PHRF1: variants seen among roughly 807,000 people sequenced by gnomAD.
PHRF1 encodes the protein PHD and ring finger domains 1.
PHRF1 carries 53 observed loss-of-function variants against 128.9 expected under a neutral mutation model. The observed-to-expected ratio is 0.41, with a 90% confidence interval of 0.33 to 0.52. The LOEUF (loss-of-function observed/expected upper bound fraction) is 0.52. PHRF1 is among the 20% of genes least tolerant of loss of function. The probability of loss-of-function intolerance (pLI) is 0.21; values close to 1 mark genes in which losing one functional copy is unlikely to be tolerated. For synonymous variants in PHRF1, 1,178 were observed against 980.6 expected (o/e 1.20, Z -3.76); for missense variants, 2,503 against 2,284.5 (o/e 1.10, Z -1.95).
chr11:593,115 C>T (rs1426787541), intron 6 of PHRF1, among the ~76,000 whole-genome samples: 2 of 152,198 alleles, frequency 1.3e-5, no homozygotes. Context: ...CTCTCCCTGG[C>T]ACAGCTGAGA....
chr11:607,494 C>G lies in PHRF1; in HGVS notation c.2038C>G (p.Pro680Ala). 1 of 1,612,854 alleles carries G rather than the reference C, an allele frequency of 6.2e-7. No individual in the cohort carries two copies. Among genetic ancestry groups the G allele is most frequent in the East Asian group, 2.2e-5 (1 of 44,886 alleles). Residue 680 changes from proline (P) to alanine (A), a missense_variant, in exon 14 of 18, where the codon CCC becomes GCC. By Grantham distance (27) the Pro-to-Ala change is conservative. Transcript: ENST00000264555. Reference sequence around the variant, plus strand: ...CAGAAGAACAGACATCTCTGAGCTACCCAGGATACCAAAGATCAGGAGAGA... The same window carrying G: ...CAGAAGAACAGACATCTCTGAGCTAGCCAGGATACCAAAGATCAGGAGAGA... The part of the protein sequence containing the change: ...APRRTDISEL[P>A]RIPKIRRDDG...
chr11:611,860 G>C lies in PHRF1; in HGVS notation c.*83G>C. On this transcript the variant is annotated 3_prime_UTR_variant, in exon 18 of 18. Coordinates refer to ENST00000264555, the MANE Select transcript of PHRF1 (RefSeq NM_001286581.2). ...CATGCCCGGGGAGCTGTCGGGAGTG[G>C]CGGGAATCGGGGCCATGCCCGGGGA... The C allele has an allele frequency of 3.3e-6, 5 of 1,503,300 alleles. No homozygotes were observed. The highest frequency in any genetic ancestry group is 4.4e-6 in the Non-Finnish European group (5 of 1,128,856). The allele number at this position is 1,503,300 out of a possible 1,614,324, so 93.1% of individuals were successfully genotyped here.
intron 3 of PHRF1, 50 bp from the exon 4 acceptor site, chr11:587,209 G>C (rs371801330): frequency 4.0e-4 from 627 of 1,580,958 alleles, no homozygotes; most frequent in Non-Finnish European, 5.1e-4. Context: ...CCAGTGCCGC[G>C]GTTCACGCTG....
Position 609,068 on chromosome 11 carries a change from G to A in PHRF1, c.3612G>A (p.Ala1204=), listed in dbSNP as rs7928902. ...GGGCTGTGAGGGAGGCTTCCCCAGCGCCCCTTGCACAGGGGGAGCCAGGGC... is the reference window on the plus strand; with the variant it reads ...GGGCTGTGAGGGAGGCTTCCCCAGCACCCCTTGCACAGGGGGAGCCAGGGC... ...RKGAVREASP[A]PLAQGEPGRE... is the part of the protein sequence containing the mutation. The change falls in exon 14 of 18, where the codon GCG becomes GCA. Residue 1204 remains alanine, a synonymous_variant. Transcript: ENST00000264555. The A allele has an allele frequency of 0.22, 348,871 of 1,596,948 alleles. 40,400 individuals carry two copies. The highest frequency in any genetic ancestry group is 0.32 in the African/African-American group (24,152 of 74,670).
rs777453849 is a variant in PHRF1 at position 611,792 on chromosome 11, G to A, written c.*15G>A. On this transcript the variant is annotated 3_prime_UTR_variant, in exon 18 of 18. Coordinates refer to ENST00000264555, the MANE Select transcript of PHRF1 (RefSeq NM_001286581.2). ...CCGAGGGCTGAGGCCAGGCAATCAC[G>A]GGCTATGCCCGGGGAGCTGTCGGGA... is the stretch of plus-strand genomic sequence containing the variant. The A allele has an allele frequency of 3.8e-5, 61 of 1,588,492 alleles. No individual in the cohort carries two copies. Among genetic ancestry groups the A allele is most frequent in the African/African-American group, 1.7e-4 (13 of 74,448 alleles).
chr11:597,668 G>T lies in PHRF1; in HGVS notation c.894+98G>T, dbSNP rs1855377273. 4 of 1,424,330 alleles carry T rather than the reference G, an allele frequency of 2.8e-6. No individual in the cohort carries two copies. In the Admixed American group the frequency reaches 6.3e-5, roughly 22 times the overall value. 88.2% of individuals were successfully genotyped at this position (1,424,330 alleles called of 1,614,324 possible). ...GGGAGGGGCGTCGTCGGCACTGTGG[G>T]GTCCGCCCGGCCCCGGTGGCTCATG... is the stretch of plus-strand genomic sequence containing the variant. On this transcript the variant is annotated intron_variant, in intron 8 of 17. Transcript: ENST00000264555. This position sits in a 1 kb window ranked among gnomAD's most constrained non-coding sequence, Gnocchi z 6.5.
rs1464921914 is a variant in PHRF1 at position 609,615 on chromosome 11, G to T, written c.4159G>T (p.Val1387Leu). The change falls in exon 14 of 18, where the codon GTG (valine) becomes TTG (leucine). Residue 1387 changes from valine to leucine, a missense_variant. By Grantham distance (32) the Val-to-Leu change is conservative. Coordinates refer to ENST00000264555, the MANE Select transcript of PHRF1 (RefSeq NM_001286581.2). ...ACAGGAGGCAGCCCGGCCTGAGGAG[G>T]TGGTTTCGCAGACCCCCCTGCTGCG... Reference protein sequence around the residue: ...RVQEAARPEEVVSQTPLLRSR... With the variant: ...RVQEAARPEELVSQTPLLRSR... The T allele has an allele frequency of 6.3e-7, 1 of 1,587,576 alleles. No homozygotes were observed. Among genetic ancestry groups the T allele is most frequent in the South Asian group, 1.1e-5 (1 of 87,354 alleles).
intron 14 of PHRF1, 102 bp downstream of exon 14, chr11:609,822 A>C: frequency 1.7e-5 from 11 of 663,360 alleles, no homozygotes; most frequent in Non-Finnish European, 2.2e-5. Context: ...CCCGGCCTCC[A>C]CCGAGGACAG....
chr11:592,630 C>T lies in PHRF1; in HGVS notation c.576C>T (p.Ser192=), dbSNP rs769735828. 1.8e-5 allele frequency: 29 copies of T among 1,613,930 alleles called. No homozygotes were observed. Among genetic ancestry groups the T allele is most frequent in the Admixed American group, 8.3e-5 (5 of 60,008 alleles). ...DPTFCEVCGR[S]DREDRLLLCD... ...CCTTCTGTGAGGTGTGCGGCAGGAGCGACCGTGAGGACAGGCTTTTGCTCT... is the reference window on the plus strand; with the variant it reads ...CCTTCTGTGAGGTGTGCGGCAGGAGTGACCGTGAGGACAGGCTTTTGCTCT... The change falls in exon 6 of 18, where the codon AGC becomes AGT. Residue 192 remains serine, a synonymous_variant. Coordinates refer to ENST00000264555, the MANE Select transcript of PHRF1 (RefSeq NM_001286581.2).
At position 611,950 on chromosome 11, in the gene PHRF1, C is replaced by T. The variant is rs1161599517; in HGVS notation, c.*173C>T. On this transcript the variant is annotated 3_prime_UTR_variant, in exon 18 of 18. Transcript: ENST00000264555. ...CTGCCGTCGGGTTCCTGCGCTGACACCTGGTCTGTGCACCTGTGTTGCTCA... is the reference window on the plus strand; with the variant it reads ...CTGCCGTCGGGTTCCTGCGCTGACATCTGGTCTGTGCACCTGTGTTGCTCA... The T allele has an allele frequency of 9.7e-7, 1 of 1,031,378 alleles. No homozygotes were observed. Among genetic ancestry groups the T allele is most frequent in the Non-Finnish European group, 1.4e-6 (1 of 726,208 alleles). 63.9% of individuals were successfully genotyped at this position (1,031,378 alleles called of 1,614,324 possible).
intron 8 of PHRF1, 110 bp from the exon 9 acceptor site, chr11:598,263 C>A: frequency 7.2e-7 from 1 of 1,390,870 alleles, no homozygotes; most frequent in Non-Finnish European, 9.4e-7. Context: ...GGGAGGCTGT[C>A]CTGCTTCTCT....
Position 608,514 on chromosome 11 carries a change from GGGACGCGCTC to G in PHRF1, c.3059_3068del (p.Gly1020ValfsTer176), listed in dbSNP as rs1856111286. The stretch of plus-strand genomic sequence containing the variant: ...CAGGGAGCACGGACGGACGCGCTCT[GGGACGCGCTC>G]TGAATCCAGGGACAGGAGCTCGAGG... On this transcript the variant is annotated frameshift_variant, in exon 14 of 18. Coordinates refer to ENST00000264555, the MANE Select transcript of PHRF1 (RefSeq NM_001286581.2). LOFTEE classifies it high-confidence loss of function. 2 of 1,447,830 alleles carry G rather than the reference GGGACGCGCTC, an allele frequency of 1.4e-6. No homozygotes were observed. The highest frequency in any genetic ancestry group is 4.1e-5 in the African/African-American group (2 of 48,532). The allele number at this position is 1,447,830 out of a possible 1,614,324, so 89.7% of individuals were successfully genotyped here.
In PHRF1 at chr11:598,358, C is replaced by T. The variant is rs781304021; in HGVS notation, c.895-15C>T. ...GCCCCAAGGGCATCTGACGGCACCA[C>T]CCCTTTGCCTGTAGCACACACCAGG... On this transcript the variant is annotated splice_polypyrimidine_tract_variant and intron_variant, in intron 8 of 17. Transcript: ENST00000264555. 13 of 1,604,882 alleles carry T rather than the reference C, an allele frequency of 8.1e-6. No individual in the cohort carries two copies. The highest frequency in any genetic ancestry group is 1.0e-5 in the Non-Finnish European group (12 of 1,178,916).
chr11:608,251 T>C lies in PHRF1; in HGVS notation c.2795T>C (p.Leu932Pro), dbSNP rs1856084187. The change falls in exon 14 of 18, where the codon CTG (leucine) becomes CCG (proline). Residue 932 changes from leucine (L) to proline (P), a missense_variant. Leu to Pro is a moderately conservative substitution (Grantham distance 98). Transcript: ENST00000264555. Reference protein sequence around the residue: ...PTESQGLAARLRRPSPPEPWD... With the variant: ...PTESQGLAARPRRPSPPEPWD... ...GAGAGCCAGGGCCTGGCTGCCCGGC[T>C]GCGGAGGCCATCCCCCCCAGAGCCC... 1 of 1,609,738 alleles carries C rather than the reference T, an allele frequency of 6.2e-7. No homozygotes were observed. Among genetic ancestry groups the C allele is most frequent in the Non-Finnish European group, 8.5e-7 (1 of 1,179,606 alleles).
In PHRF1 at chr11:607,265, C is replaced by A. The variant is rs1209531004; in HGVS notation, c.1809C>A (p.Asp603Glu). 6.2e-7 allele frequency: 1 copy of A among 1,612,632 alleles called. No individual in the cohort carries two copies. The highest frequency in any genetic ancestry group is 2.2e-5 in the East Asian group (1 of 44,876). ...CCGCGGGGGCGCCTGTGAGGCTGGA[C>A]TTGCCAGCAGCCCCTGGGGCGGTTC... is the stretch of plus-strand genomic sequence containing the variant. The part of the protein sequence containing the change: ...ARTAGAPVRL[D>E]LPAAPGAVQA... The change falls in exon 14 of 18, where the codon GAC becomes GAA. Residue 603 changes from aspartate (D) to glutamate (E), a missense_variant. Coordinates refer to ENST00000264555, the MANE Select transcript of PHRF1 (RefSeq NM_001286581.2).
In PHRF1 at chr11:605,238, G is replaced by C; in HGVS notation, c.1272G>C (p.Ala424=). The change falls in exon 11 of 18, where the codon GCG becomes GCC. Residue 424 remains alanine (A), a synonymous_variant. Coordinates refer to ENST00000264555, the MANE Select transcript of PHRF1 (RefSeq NM_001286581.2). Reference sequence around the variant, plus strand: ...AGCCCTCTTTGGGGCTGCTGAGAGCGGATATTGGAGCTGCCTCTCTGTCTC... The same window carrying C: ...AGCCCTCTTTGGGGCTGCTGAGAGCCGATATTGGAGCTGCCTCTCTGTCTC... ...PVEPSLGLLR[A]DIGAASLSLF... 1 of 1,613,486 alleles carries C rather than the reference G, an allele frequency of 6.2e-7. No homozygotes were observed. The highest frequency in any genetic ancestry group is 8.5e-7 in the Non-Finnish European group (1 of 1,179,882).
intron 10 of PHRF1, among the ~76,000 whole-genome samples, chr11:604,484 T>C (rs1288991082): frequency 6.6e-6 from 1 of 152,162 alleles, no homozygotes; most frequent in Admixed American, 6.5e-5. Context: ...AATCTAAATT[T>C]GTGTCATCTT....
chr11:601,463 G>A, intron 9 of PHRF1, 111 bp from the exon 10 acceptor site: 6 of 1,405,376 alleles, frequency 4.3e-6, no homozygotes, highest in Non-Finnish European at 5.8e-6. Context: ...GCCGGTGCGT[G>A]TGGTCCCGCT....
intron 5 of PHRF1, 59 bp from the exon 6 acceptor site, chr11:592,500 G>A: frequency 1.3e-6 from 2 of 1,521,352 alleles, no homozygotes; most frequent in Non-Finnish European, 1.8e-6. Flanking sequence ...GTTTCACGCT[G>A]GGAAGTGACT....
Sources: gnomAD v4.1 joint callset for allele counts (sites outside exome capture counted in the v4.1 genomes callset) on GRCh38, gnomAD v4.1.1 for gene constraint, Gnocchi (gnomAD v3.1) non-coding constraint, MANE v1.5 for transcripts, NCBI Gene and HGNC (gene_info 2026-07-23, HGNC 2026-07-21) for gene names.